The following NTRK3 variants were observed in gnomAD, a reference collection of about 807,000 sequenced individuals.
The protein encoded by NTRK3 is NT-3 growth factor receptor.
Under a neutral mutation model 91.7 loss-of-function variants are expected in NTRK3, and 24 were observed. The observed-to-expected ratio is 0.26, with a 90% CI of 0.19 to 0.37. NTRK3 has a LOEUF of 0.37. Ranked by LOEUF, NTRK3 falls within the 10% of genes least tolerant of loss-of-function variation. NTRK3 has a pLI of 1.00. For synonymous variants in NTRK3, 483 were observed against 404.0 expected (o/e 1.20, Z -2.34); for missense variants, 880 against 1,068.9 (o/e 0.82, Z 2.46).
At chr15:88,035,277 A>G (rs917030976) in intron 13 of NTRK3, among the ~76,000 whole-genome samples, 2 of 152,134 alleles carry the variant, frequency 1.3e-5, no homozygotes, top group African/African-American at 4.8e-5. Flanking sequence ...CCAGGCGGGA[A>G]CAAGGTGCCC....
intron 13 of NTRK3, among the ~76,000 whole-genome samples, chr15:88,122,647 T>C: frequency 6.6e-6 from 1 of 152,084 alleles, no homozygotes; most frequent in East Asian, 1.9e-4. Flanking sequence ...TTTTTCTGTA[T>C]TTTTTTTATT....
At chr15:87,917,860 T>C (rs1023286567) in intron 17 of NTRK3, among the ~76,000 whole-genome samples, 1 of 152,242 alleles carries the variant, frequency 6.6e-6, no homozygotes, top group African/African-American at 2.4e-5. Flanking sequence ...GCTGGCACCA[T>C]GCTTCTTGCA....
intron 13 of NTRK3, among the ~76,000 whole-genome samples, chr15:88,117,996 T>C (rs1240169305): frequency 1.3e-5 from 2 of 152,198 alleles, no homozygotes; most frequent in African/African-American, 4.8e-5. Flanking sequence ...CCTGCCCAGC[T>C]TATCCTCCAT....
chr15:88,226,904 G>T (rs559786168), intron 3 of NTRK3, among the ~76,000 whole-genome samples: 1 of 152,210 alleles, frequency 6.6e-6, no homozygotes, highest in Non-Finnish European at 1.5e-5. Flanking sequence ...GGCTCAGAGA[G>T]GTTAAGTATC....
At position 88,255,634 on chromosome 15, in the gene NTRK3, G is replaced by A. The variant is rs1437622362; in HGVS notation, c.248+272C>T. On this transcript the variant is annotated intron_variant, in intron 3 of 18. Coordinates refer to ENST00000394480, the Ensembl canonical transcript of NTRK3. This position sits in a 1 kb window ranked among gnomAD's most constrained non-coding sequence, Gnocchi z 4.3. ...CCAGCAACTGGTTGGGAGGCGGGCG[G>A]TAGCTGGGCCCCGCGTGCCCTCGGC... is the stretch of plus-strand genomic sequence containing the variant. Among the ~76,000 whole-genome samples, 1 of 152,214 alleles carries A rather than the reference G, an allele frequency of 6.6e-6. No individual in the cohort carries two copies. The highest frequency in any genetic ancestry group is 2.4e-5 in the African/African-American group (1 of 41,460).
chr15:87,969,818 C>T (rs943615269), intron 14 of NTRK3, among the ~76,000 whole-genome samples: 2 of 152,198 alleles, frequency 1.3e-5, no homozygotes, highest in Non-Finnish European at 2.9e-5. Context: ...AAAATCTTGC[C>T]GAGAACTCCC....
At chr15:88,095,696 C>T (rs539259591) in intron 13 of NTRK3, among the ~76,000 whole-genome samples, 8 of 152,118 alleles carry the variant, frequency 5.3e-5, no homozygotes, top group Non-Finnish European at 1.2e-4. Context: ...TTGAGGAGTA[C>T]CTTTAGGTCT....
intron 13 of NTRK3, among the ~76,000 whole-genome samples, chr15:88,084,304 T>A (rs2048314473): frequency 6.6e-6 from 1 of 151,970 alleles, no homozygotes; most frequent in African/African-American, 2.4e-5. Context: ...AGCAGCCAAA[T>A]CTGACCAGGA....
chr15:88,101,821 AACACATGGAC>A (rs1180621789), intron 13 of NTRK3, among the ~76,000 whole-genome samples: 1 of 152,160 alleles, frequency 6.6e-6, no homozygotes, highest in Non-Finnish European at 1.5e-5. Flanking sequence ...GAACAATGAG[AACACATGGAC>A]ACAGGAAGGG....
At position 87,978,823 on chromosome 15, in the gene NTRK3, G is replaced by A. The variant is rs186816752; in HGVS notation, c.1586-38070C>T. 84 of 237,532 alleles carry A rather than the reference G, an allele frequency of 3.5e-4. 1 individual carries two copies. In the East Asian group the frequency reaches 3.7e-3, roughly 10 times the overall value. 14.7% of individuals were successfully genotyped at this position (237,532 alleles called of 1,614,324 possible). On this transcript the variant is annotated intron_variant, in intron 14 of 18. Coordinates refer to ENST00000394480, the Ensembl canonical transcript of NTRK3. The stretch of plus-strand genomic sequence containing the variant: ...TGGCTCCCCCTCCTCTTACCGCGCC[G>A]TCTCCACCTCTGCTTAGGTGCTCTC...
chr15:88,108,551 ACTGAAAGGGACCTTGGAAGCCCTTAAT>A (rs2050966020), intron 13 of NTRK3, among the ~76,000 whole-genome samples: 1 of 152,222 alleles, frequency 6.6e-6, no homozygotes, highest in Admixed American at 6.5e-5. Context: ...GAATGTTACA[ACTGAAAGGGACCTTGGAAGCCCTTAAT>A]CCAAATCCCT....
rs149100660 is a variant in NTRK3 at position 88,165,091 on chromosome 15, G to A, written c.396-17688C>T. Among the ~76,000 whole-genome samples the A allele has an allele frequency of 7.2e-5, 11 of 152,304 alleles. No homozygotes were observed. The East Asian group carries it at 2.1e-3, about 29-fold the overall frequency. Reference sequence around the variant, plus strand: ...GATTGAATATGAACTGAGTTGAGGAGGCCATAGAGACAATGCAATCTGCAT... The same window carrying A: ...GATTGAATATGAACTGAGTTGAGGAAGCCATAGAGACAATGCAATCTGCAT... On this transcript the variant is annotated intron_variant, in intron 5 of 18. Coordinates refer to ENST00000394480, the Ensembl canonical transcript of NTRK3.
chr15:88,131,398 T>G (rs1303609829), intron 10 of NTRK3, among the ~76,000 whole-genome samples: 1 of 152,196 alleles, frequency 6.6e-6, no homozygotes, highest in African/African-American at 2.4e-5. Context: ...AAGCCTTACT[T>G]ATGGTACACG....
intron 3 of NTRK3, among the ~76,000 whole-genome samples, chr15:88,207,728 G>A (rs1464207403): frequency 3.1e-5 from 4 of 128,708 alleles, no homozygotes; most frequent in Non-Finnish European, 7.4e-5. Context: ...GATAAGCCAA[G>A]GCCCCTCCTG....
In NTRK3 at chr15:88,185,280, C is replaced by T. The variant is rs191693821; in HGVS notation, c.249-981G>A. 4.6e-5 allele frequency among the ~76,000 whole-genome samples: 7 copies of T among 152,294 alleles called. No homozygotes were observed. The East Asian group carries it at 1.2e-3, about 25-fold the overall frequency. ...AGCTTTTTATCAACAGACACAAACC[C>T]GTGCTAACTCATCCACTGCATAAAT... is the stretch of plus-strand genomic sequence containing the variant. On this transcript the variant is annotated intron_variant, in intron 3 of 18. Transcript: ENST00000394480.
At chr15:88,247,359 C>A (rs2052939927) in intron 3 of NTRK3, among the ~76,000 whole-genome samples, 1 of 152,212 alleles carries the variant, frequency 6.6e-6, no homozygotes, top group African/African-American at 2.4e-5. Context: ...GCCAGGAACT[C>A]ACTGGGCGAT....
chr15:87,866,138 G>A (rs577478749), exon 19 of NTRK3: 4 of 225,876 alleles, frequency 1.8e-5, no homozygotes, highest in Admixed American at 1.1e-4. Flanking sequence ...TATTTTGTAT[G>A]TTAAGAAACT....
At chr15:88,191,050 G>A (rs957006158) in intron 3 of NTRK3, among the ~76,000 whole-genome samples, 1 of 152,170 alleles carries the variant, frequency 6.6e-6, no homozygotes, top group Non-Finnish European at 1.5e-5. Context: ...CCAGTTAAGT[G>A]AAGCTTTCCT....
At chr15:88,120,624 T>A (rs2052603120) in intron 13 of NTRK3, among the ~76,000 whole-genome samples, 2 of 152,204 alleles carry the variant, frequency 1.3e-5, no homozygotes, top group African/African-American at 4.8e-5. Context: ...TACTCCTCCA[T>A]CAGCTCCTAT....
Sources: gnomAD v4.1 joint callset for allele counts (sites outside exome capture counted in the v4.1 genomes callset) on GRCh38, gnomAD v4.1.1 for gene constraint, Gnocchi (gnomAD v3.1) non-coding constraint, MANE v1.5 for transcripts, NCBI Gene and HGNC (gene_info 2026-07-23, HGNC 2026-07-21) for gene names.